Variants in GRM8 observed in about 807,000 individuals in gnomAD.
GRM8 encodes metabotropic glutamate receptor 8.
Under a neutral mutation model 87.2 loss-of-function variants are expected in GRM8, and 47 were observed. The observed-to-expected ratio is 0.54, with a 90% CI of 0.43 to 0.69. The LOEUF is 0.69. GRM8 is among the 30% of genes least tolerant of loss of function. The pLI is 0.00. For missense variants in GRM8, 1,019 were observed against 1,139.2 expected (o/e 0.89, Z 1.52); for synonymous variants, 396 against 404.5 (o/e 0.98, Z 0.25).
At chr7:126,698,799 A>C (rs1809639848) in intron 7 of GRM8, among the ~76,000 whole-genome samples, 1 of 152,126 alleles carries the variant, frequency 6.6e-6, no homozygotes, top group African/African-American at 2.4e-5. Flanking sequence ...TGCCTGGAAT[A>C]TTAACAAGCC....
intron 2 of GRM8, among the ~76,000 whole-genome samples, chr7:127,175,025 T>C (rs1002904019): frequency 1.3e-5 from 2 of 152,168 alleles, no homozygotes; most frequent in Non-Finnish European, 2.9e-5. Context: ...TATAAGGAGA[T>C]GGCAACTCCC....
At chr7:126,745,143 T>G (rs1405267554) in intron 7 of GRM8, among the ~76,000 whole-genome samples, 1 of 151,676 alleles carries the variant, frequency 6.6e-6, no homozygotes, top group Non-Finnish European at 1.5e-5. Flanking sequence ...GTTTGAGAAC[T>G]GCCGATTTAG....
intron 3 of GRM8, among the ~76,000 whole-genome samples, chr7:126,916,696 G>A (rs1803943234): frequency 6.6e-6 from 1 of 152,232 alleles, no homozygotes; most frequent in Non-Finnish European, 1.5e-5. Context: ...TACAGTGGCT[G>A]AGATTCTCAA....
chr7:126,656,892 T>C (rs1279697696), intron 7 of GRM8, among the ~76,000 whole-genome samples: 1 of 152,192 alleles, frequency 6.6e-6, no homozygotes, highest in East Asian at 1.9e-4. Context: ...GGAAACAAAT[T>C]CATCCACTTC....
In GRM8 at chr7:127,142,731, A is replaced by G. The variant is rs568251024; in HGVS notation, c.511-36019T>C. ...GGATGGATGGGATGGATGGACGGACAGATGGACGGATGGACAGCGAGACAG... is the reference window on the plus strand; with the variant it reads ...GGATGGATGGGATGGATGGACGGACGGATGGACGGATGGACAGCGAGACAG... On this transcript the variant is annotated intron_variant, in intron 2 of 10. Transcript: ENST00000339582. 2.4e-4 allele frequency among the ~76,000 whole-genome samples: 36 copies of G among 152,190 alleles called. 2 individuals carry two copies. Among genetic ancestry groups the G allele is most frequent in the African/African-American group, 8.4e-4 (35 of 41,534 alleles).
At chr7:126,654,427 A>G (rs1363416058) in intron 7 of GRM8, among the ~76,000 whole-genome samples, 1 of 152,216 alleles carries the variant, frequency 6.6e-6, no homozygotes, top group Non-Finnish European at 1.5e-5. Context: ...CAGAAAAATT[A>G]TGGCAGGCTT....
chr7:126,667,479 G>A (rs1563074741), intron 7 of GRM8, among the ~76,000 whole-genome samples: 2 of 152,086 alleles, frequency 1.3e-5, no homozygotes, highest in Non-Finnish European at 2.9e-5. Context: ...ATTATTCAGG[G>A]AGGATCAAAA....
intron 9 of GRM8, among the ~76,000 whole-genome samples, chr7:126,481,135 T>C (rs1806622404): frequency 6.6e-6 from 1 of 152,052 alleles, no homozygotes; most frequent in Non-Finnish European, 1.5e-5. Flanking sequence ...CAAACTGACA[T>C]AAATATTTGA....
In GRM8 at chr7:126,762,011, TTAG is replaced by T. The variant is rs376450318; in HGVS notation, c.1357+7851_1357+7853del. ...TATCACTTATCAAATTGAATTATTGTTAGTAACAGGTTTCTGTACCTCCACTGT... is the reference window on the plus strand; with the variant it reads ...TATCACTTATCAAATTGAATTATTGTTAACAGGTTTCTGTACCTCCACTGT... On this transcript the variant is annotated intron_variant, in intron 7 of 10. Transcript: ENST00000339582. Among the ~76,000 whole-genome samples, 1,390 of 152,308 alleles carry T rather than the reference TTAG, an allele frequency of 9.1e-3. 4 individuals carry two copies. Among genetic ancestry groups the T allele is most frequent in the Non-Finnish European group, 0.014 (979 of 68,020 alleles).
intron 7 of GRM8, among the ~76,000 whole-genome samples, chr7:126,653,318 G>GAAAAAAAA: frequency 1.0e-5 from 1 of 99,322 alleles, no homozygotes; most frequent in Non-Finnish European, 2.4e-5. Context: ...AAAAAAAAAG[G>GAAAAAAAA]CAAGGAGAGG....
At chr7:126,960,725 A>T (rs1354371482) in intron 3 of GRM8, among the ~76,000 whole-genome samples, 6 of 152,192 alleles carry the variant, frequency 3.9e-5, no homozygotes, top group Non-Finnish European at 7.4e-5. Context: ...TTTGAATTCA[A>T]ATATGCAAAT....
rs374560160 is a variant in GRM8, at chr7:126,543,462, T to C, written c.1495-9575A>G. The stretch of plus-strand genomic sequence containing the variant: ...GAAGAGTAGAAGTCAGGTCTGATTT[T>C]CCACCACTGTGTTCCAGATCCTAAC... On this transcript the variant is annotated intron_variant, in intron 8 of 10. Transcript: ENST00000339582. Among the ~76,000 whole-genome samples, 127 of 152,340 alleles carry C rather than the reference T, an allele frequency of 8.3e-4. 1 individual carries two copies. The highest frequency in any genetic ancestry group is 3.4e-3 in the Middle Eastern group (1 of 294).
intron 8 of GRM8, among the ~76,000 whole-genome samples, chr7:126,574,102 A>G (rs1794913585): frequency 2.0e-5 from 3 of 152,252 alleles, no homozygotes; most frequent in Admixed American, 2.0e-4. Context: ...GAAATTAAGA[A>G]GTAAAACTTA....
chr7:126,855,549 C>T (rs1022426927), intron 6 of GRM8, among the ~76,000 whole-genome samples: 17 of 150,006 alleles, frequency 1.1e-4, no homozygotes, highest in African/African-American at 3.7e-4. Flanking sequence ...GATCTTGGCT[C>T]ATGGTAACCT....
At chr7:126,850,480 C>T in intron 6 of GRM8, among the ~76,000 whole-genome samples, 1 of 152,136 alleles carries the variant, frequency 6.6e-6, no homozygotes, top group East Asian at 1.9e-4. Flanking sequence ...ACAGGGAGAA[C>T]ACATACTCAT....
chr7:126,947,696 A>G (rs1807693828), intron 3 of GRM8, among the ~76,000 whole-genome samples: 1 of 152,062 alleles, frequency 6.6e-6, no homozygotes, highest in Non-Finnish European at 1.5e-5. Context: ...AGGCCTTCCT[A>G]TCATAAAACA....
At chr7:126,662,593 A>G (rs924593243) in intron 7 of GRM8, among the ~76,000 whole-genome samples, 1 of 152,240 alleles carries the variant, frequency 6.6e-6, no homozygotes, top group Middle Eastern at 3.2e-3. Flanking sequence ...TGATGACCTC[A>G]AATTTCATGA....
intron 8 of GRM8, among the ~76,000 whole-genome samples, chr7:126,566,264 A>G (rs1367175235): frequency 6.6e-6 from 1 of 152,210 alleles, no homozygotes. Context: ...AACATACTTG[A>G]AAGTGATATA....
At chr7:127,180,847 T>C (rs1370669498) in intron 2 of GRM8, among the ~76,000 whole-genome samples, 2 of 152,004 alleles carry the variant, frequency 1.3e-5, no homozygotes, top group African/African-American at 2.4e-5. Context: ...CATACCTTAA[T>C]GTAATAAAAG....
Sources: allele counts gnomAD v4.1 joint callset (sites outside exome capture counted in the v4.1 genomes callset), GRCh38; gene constraint gnomAD v4.1.1; transcripts MANE v1.5; gene names NCBI Gene and HGNC (gene_info 2026-07-23, HGNC 2026-07-21).